The following BTBD1 variants were observed in gnomAD, a reference collection of about 807,000 sequenced individuals.
BTBD1 encodes the protein BTB domain containing 1, also known as BTB/POZ domain-containing protein 1.
In BTBD1, 34 loss-of-function variants were observed where a neutral mutation model predicts 48.0. The observed-to-expected ratio is 0.71, with a 90% CI of 0.54 to 0.94. The LOEUF is 0.94. Ranked by LOEUF, BTBD1 falls within the 40% of genes least tolerant of loss-of-function variation. The probability of loss-of-function intolerance (pLI) is 0.00; values close to 1 mark genes in which losing one functional copy is unlikely to be tolerated. For synonymous variants in BTBD1, 261 were observed against 242.1 expected (o/e 1.08, Z -0.72); for missense variants, 543 against 625.6 (o/e 0.87, Z 1.41).
chr15:83,028,343 T>A (rs1326521928), intron 5 of BTBD1, among the ~76,000 whole-genome samples: 5 of 152,222 alleles, frequency 3.3e-5, no homozygotes, highest in Non-Finnish European at 7.4e-5. Context: ...GTTGTGAGAA[T>A]TATACTAATA....
intron 4 of BTBD1, among the ~76,000 whole-genome samples, chr15:83,038,244 T>C (rs1458114421): frequency 6.6e-6 from 1 of 152,176 alleles, no homozygotes; most frequent in Non-Finnish European, 1.5e-5. Flanking sequence ...CCATTTACCA[T>C]GTCCACACAA....
At chr15:83,021,764 A>AATCATC (rs372525586) in intron 5 of BTBD1, among the ~76,000 whole-genome samples, 4,439 of 151,014 alleles carry the variant, frequency 0.029, 202 homozygotes, top group African/African-American at 0.1. Context: ...TAATAATAAT[A>AATCATC]ATAATACATA....
intron 4 of BTBD1, among the ~76,000 whole-genome samples, chr15:83,034,216 A>G (rs1360779270): frequency 6.6e-6 from 1 of 152,170 alleles, no homozygotes; most frequent in African/African-American, 2.4e-5. Flanking sequence ...TTAAAAATGA[A>G]GCTTACAAGA....
intron 5 of BTBD1, among the ~76,000 whole-genome samples, chr15:83,025,357 CAAAAAAA>C (rs767479917): frequency 2.0e-4 from 13 of 64,174 alleles, no homozygotes; most frequent in Admixed American, 3.9e-4. Context: ...GACTCCATCA[CAAAAAAA>C]AAAAAAAAAA....
At chr15:83,054,925 G>A (rs117215955) in intron 2 of BTBD1, among the ~76,000 whole-genome samples, 3,399 of 152,186 alleles carry the variant, frequency 0.022, 56 homozygotes, top group Middle Eastern at 0.037. Flanking sequence ...CTGGGCCATG[G>A]CCCTACCTAG....
At chr15:83,035,359 T>A (rs1174351198) in intron 4 of BTBD1, among the ~76,000 whole-genome samples, 2 of 152,014 alleles carry the variant, frequency 1.3e-5, no homozygotes, top group Non-Finnish European at 2.9e-5. Context: ...AAAGCAGATA[T>A]CAACAAATTT....
At chr15:83,043,135 C>A (rs2032800417) in intron 3 of BTBD1, among the ~76,000 whole-genome samples, 1 of 152,086 alleles carries the variant, frequency 6.6e-6, no homozygotes, top group African/African-American at 2.4e-5. Context: ...CAGAGTGAGA[C>A]TGTGCCAAAA....
chr15:83,048,715 T>C (rs2032925585), intron 3 of BTBD1, among the ~76,000 whole-genome samples: 1 of 152,192 alleles, frequency 6.6e-6, no homozygotes, highest in African/African-American at 2.4e-5. Context: ...AGCTAACTGA[T>C]AGAAACAAGA....
Position 83,067,085 on chromosome 15 carries a change from C to T in BTBD1, c.67G>A (p.Ala23Thr). 3 of 1,528,658 alleles carry T rather than the reference C, an allele frequency of 2.0e-6. No homozygotes were observed. The highest frequency in any genetic ancestry group is 1.2e-5 in the South Asian group (1 of 81,672). 94.7% of individuals were successfully genotyped at this position (1,528,658 alleles called of 1,614,324 possible). The change falls in exon 1 of 8, where the codon GCG (alanine) becomes ACG (threonine). Residue 23 changes from alanine (A) to threonine (T), a missense_variant. Ala to Thr is a moderately conservative substitution (Grantham distance 58). This residue lies in a region of BTBD1 where 173 missense variants were observed against 163.9 expected (regional missense o/e 1.06). Coordinates refer to ENST00000261721, the MANE Select transcript of BTBD1 (RefSeq NM_025238.4). The part of the protein sequence containing the change: ...ASGAEAEPGP[A>T]GPPPPPSPSS... ...GGTGAGGGCGGCGGCGGCGGCCCCG[C>T]GGGGCCCGGCTCCGCCTCAGCCCCC...
chr15:83,065,295 C>T (rs767179331), intron 1 of BTBD1, among the ~76,000 whole-genome samples: 7 of 152,130 alleles, frequency 4.6e-5, no homozygotes, highest in Non-Finnish European at 1.0e-4. Flanking sequence ...CAGATGTTAC[C>T]TTTAAATTTT....
chr15:83,034,726 T>TAAAATAAAGAAG (rs1274203356), intron 4 of BTBD1, among the ~76,000 whole-genome samples: 2 of 152,084 alleles, frequency 1.3e-5, no homozygotes, highest in East Asian at 3.9e-4. Flanking sequence ...TGAAGGTACC[T>TAAAATAAAGAAG]AAAATAAAGA....
rs745993577 is a variant in BTBD1, at chr15:83,066,886, C to T, written c.266G>A (p.Arg89His). The change falls in exon 1 of 8, where the codon CGC (arginine) becomes CAC (histidine). Residue 89 changes from arginine to histidine, a missense_variant. Transcript: ENST00000261721. ...CAGCACGAAGCGGTGGGCGGGGATG[C>T]GCTGCGGGCCCCCAGCGGCGGCGGC... The part of the protein sequence containing the change: ...RGAAAAGGPQ[R>H]IPAHRFVLAA... The T allele has an allele frequency of 1.5e-5, 22 of 1,500,852 alleles. No individual in the cohort carries two copies. Among genetic ancestry groups the T allele is most frequent in the Non-Finnish European group, 1.7e-5 (19 of 1,128,696 alleles). 93.0% of individuals were successfully genotyped at this position (1,500,852 alleles called of 1,614,324 possible).
intron 4 of BTBD1, among the ~76,000 whole-genome samples, chr15:83,039,654 T>A (rs1874652077): frequency 6.6e-6 from 1 of 151,514 alleles, no homozygotes; most frequent in Admixed American, 6.6e-5. Context: ...GGCGGGCGTA[T>A]GTAGTCCCAG....
intron 4 of BTBD1, among the ~76,000 whole-genome samples, chr15:83,033,903 AT>A: frequency 6.6e-6 from 1 of 152,116 alleles, no homozygotes; most frequent in South Asian, 2.1e-4. Context: ...TTAAGATTTA[AT>A]TTAAAAATCA....
intron 1 of BTBD1, among the ~76,000 whole-genome samples, chr15:83,057,987 G>T (rs2033116408): frequency 6.6e-6 from 1 of 152,216 alleles, no homozygotes; most frequent in African/African-American, 2.4e-5. Context: ...TAACCCTGGG[G>T]TCCCAAAGCC....
chr15:83,030,362 A>C lies in BTBD1; in HGVS notation c.863-34T>G, dbSNP rs751620814. The C allele has an allele frequency of 1.2e-5, 19 of 1,555,602 alleles. No homozygotes were observed. In the Admixed American group the frequency reaches 1.7e-4, roughly 14 times the overall value. ...ATAAAAACATAAGCCTAAAAAAAGGAATTTGATTTCAATTCCTAACTTTGG... is the reference window on the plus strand; with the variant it reads ...ATAAAAACATAAGCCTAAAAAAAGGCATTTGATTTCAATTCCTAACTTTGG... On this transcript the variant is annotated intron_variant, in intron 4 of 7. Transcript: ENST00000261721.
intron 5 of BTBD1, 25 bp downstream of exon 5, chr15:83,030,111 C>A: frequency 1.2e-6 from 2 of 1,609,654 alleles, no homozygotes; most frequent in Non-Finnish European, 1.7e-6. Flanking sequence ...CCACTCTACC[C>A]CCGCATCCCC....
chr15:83,042,334 A>G (rs2032776496), intron 3 of BTBD1, among the ~76,000 whole-genome samples: 1 of 136,402 alleles, frequency 7.3e-6, no homozygotes, highest in Non-Finnish European at 1.6e-5. Flanking sequence ...CGTGCCAGGT[A>G]CTATTAGGCA....
rs755218325 is a variant in BTBD1 at position 83,066,968 on chromosome 15, G to T, written c.184C>A (p.Leu62Ile). ...KASLKERFAFLFNSELLSDVR... is the reference protein window; with the variant it reads ...KASLKERFAFIFNSELLSDVR... ...TCGCTCAGCAGCTCCGAGTTGAAGA[G>T]GAAGGCGAAGCGCTCCTTCAGCGAC... is the stretch of plus-strand genomic sequence containing the variant. Residue 62 changes from leucine to isoleucine, a missense_variant, in exon 1 of 8, where the codon CTC becomes ATC. Coordinates refer to ENST00000261721, the MANE Select transcript of BTBD1 (RefSeq NM_025238.4). 6.3e-7 allele frequency: 1 copy of T among 1,583,422 alleles called. No homozygotes were observed. The highest frequency in any genetic ancestry group is 8.6e-7 in the Non-Finnish European group (1 of 1,167,036).
Sources: allele counts gnomAD v4.1 joint callset (sites outside exome capture counted in the v4.1 genomes callset), GRCh38; gene constraint gnomAD v4.1.1; regional missense constraint gnomAD v4.1.1; transcripts MANE v1.5; gene names NCBI Gene and HGNC (gene_info 2026-07-23, HGNC 2026-07-21).